The following SIRT5 variants were observed in gnomAD, a reference collection of about 807,000 sequenced individuals.
SIRT5 encodes the protein NAD-dependent protein deacylase sirtuin-5, mitochondrial.
A neutral mutation model predicts 40.0 loss-of-function variants in SIRT5; 26 were observed. The observed-to-expected ratio is 0.65, with a 90% CI of 0.48 to 0.90. The LOEUF (loss-of-function observed/expected upper bound fraction) is 0.90. SIRT5 is among the 40% of genes least tolerant of loss of function. The pLI is 0.00. For missense variants in SIRT5, 401 were observed against 402.4 expected (o/e 1.00, Z 0.03); for synonymous variants, 146 against 149.1 (o/e 0.98, Z 0.15).
Position 13,599,095 on chromosome 6 carries a change from G to C in SIRT5, c.681G>C (p.Leu227=), listed in dbSNP as rs936086679. The C allele has an allele frequency of 1.2e-6, 2 of 1,614,090 alleles. No individual in the cohort carries two copies. The highest frequency in any genetic ancestry group is 3.3e-5 in the Admixed American group (2 of 60,020). The change falls in exon 8 of 10, where the codon CTG becomes CTC. Residue 227 remains leucine, a synonymous_variant. Transcript: ENST00000606117. ...RPHVVWFGEN[L]DPAILEEVDR... ...ACGTCGTGTGGTTTGGAGAAAACCT[G>C]GATCCTGCCATTCTGGAGGAGGTTG...
rs569302938 is a variant in SIRT5 at position 13,598,893 on chromosome 6, T to C, written c.618-139T>C. ...ATAAGCAAGGCAAGTTTATATAGGC[T>C]GGGAGGGAGGGTGTAGGGAATAAGA... On this transcript the variant is annotated intron_variant, in intron 7 of 9. Coordinates refer to ENST00000606117, the MANE Select transcript of SIRT5 (RefSeq NM_012241.5). 123 of 830,978 alleles carry C rather than the reference T, an allele frequency of 1.5e-4. No homozygotes were observed. The African/African-American group carries it at 2.0e-3, about 13-fold the overall frequency. 51.5% of individuals were successfully genotyped at this position (830,978 alleles called of 1,614,324 possible).
At chr6:13,581,993 A>G (rs149811928) in intron 2 of SIRT5, among the ~76,000 whole-genome samples, 41 of 152,278 alleles carry the variant, frequency 2.7e-4, no homozygotes, top group African/African-American at 9.1e-4. Context: ...CAAATCCAGA[A>G]CAAAGCCCCA....
intron 9 of SIRT5, among the ~76,000 whole-genome samples, chr6:13,608,583 C>CT (rs1763417300): frequency 7.0e-6 from 1 of 143,152 alleles, no homozygotes; most frequent in Non-Finnish European, 1.5e-5. Context: ...GAGACTCTGT[C>CT]TTAAAAAAAA....
At chr6:13,608,759 G>A (rs929437821) in intron 9 of SIRT5, among the ~76,000 whole-genome samples, 1 of 151,600 alleles carries the variant, frequency 6.6e-6, no homozygotes, top group Admixed American at 6.6e-5. Context: ...GTGCATAATT[G>A]TAAAAACAAA....
At chr6:13,597,581 TGTCACCCAGGCTGGA>T (rs552401711) in intron 7 of SIRT5, among the ~76,000 whole-genome samples, 40 of 152,248 alleles carry the variant, frequency 2.6e-4, no homozygotes, top group African/African-American at 8.9e-4. Flanking sequence ...AATCTCACTC[TGTCACCCAGGCTGGA>T]GTGCAATGGT....
rs2127691181 is a variant in SIRT5 at position 13,599,042 on chromosome 6, G to A, written c.628G>A (p.Ala210Thr). ...PVEKLPRCEEAGCGGLLRPHV... is the reference protein window; with the variant it reads ...PVEKLPRCEETGCGGLLRPHV... ...ATCCCATTCTTCCAGGTGTGAAGAG[G>A]CAGGCTGCGGGGGCTTGCTGCGACC... The change falls in exon 8 of 10, where the codon GCA (alanine) becomes ACA (threonine). Residue 210 changes from alanine (A) to threonine (T), a missense_variant. Physicochemically the swap from Ala to Thr is moderately conservative, Grantham distance 58. Transcript: ENST00000606117. The A allele has an allele frequency of 1.2e-6, 2 of 1,613,986 alleles. No individual in the cohort carries two copies. Among genetic ancestry groups the A allele is most frequent in the Non-Finnish European group, 1.7e-6 (2 of 1,179,956 alleles).
intron 3 of SIRT5, among the ~76,000 whole-genome samples, chr6:13,587,371 A>G (rs1465250742): frequency 6.6e-6 from 1 of 152,072 alleles, no homozygotes; most frequent in African/African-American, 2.4e-5. Flanking sequence ...AAGCAGAAAC[A>G]AGCTGTGTCC....
At chr6:13,575,570 A>G (rs954183850) in intron 1 of SIRT5, among the ~76,000 whole-genome samples, 1 of 151,946 alleles carries the variant, frequency 6.6e-6, no homozygotes, top group East Asian at 1.9e-4. Context: ...ACAAATTTAT[A>G]TATTTATAGC....
At chr6:13,576,493 C>T (rs778423699) in intron 1 of SIRT5, among the ~76,000 whole-genome samples, 4 of 151,962 alleles carry the variant, frequency 2.6e-5, no homozygotes, top group Admixed American at 6.6e-5. Context: ...ATTTTTTAAC[C>T]GGGTTATTCG....
At chr6:13,587,350 G>T (rs1760215917) in intron 3 of SIRT5, among the ~76,000 whole-genome samples, 2 of 152,208 alleles carry the variant, frequency 1.3e-5, no homozygotes, top group Admixed American at 1.3e-4. Context: ...GAGCTGCGGT[G>T]CCTAGGAGAG....
In SIRT5 at chr6:13,604,392, C is replaced by T. The variant is rs572088255; in HGVS notation, c.857+3443C>T. On this transcript the variant is annotated intron_variant, in intron 9 of 9. Transcript: ENST00000606117. ...CTGTTTGAAAGACCATCAGAAAACT[C>T]GAAGAGTGGGACAGGATAAACTTTG... 1.5e-4 allele frequency: 135 copies of T among 874,230 alleles called. 1 individual carries two copies. Among genetic ancestry groups the T allele is most frequent in the Middle Eastern group, 2.5e-4 (1 of 4,062 alleles). The allele number at this position is 874,230 out of a possible 1,614,324, so 54.2% of individuals were successfully genotyped here. A position where few individuals can be genotyped will look rare whatever the true frequency, so the allele number is the denominator to read the frequency against.
chr6:13,601,185 A>G (rs1208954852), intron 9 of SIRT5, among the ~76,000 whole-genome samples: 1 of 152,108 alleles, frequency 6.6e-6, no homozygotes, highest in Non-Finnish European at 1.5e-5. Context: ...CACATTTTGA[A>G]CGCTCTTCTT....
intron 8 of SIRT5, among the ~76,000 whole-genome samples, chr6:13,599,947 A>G (rs779920926): frequency 4.6e-5 from 7 of 152,220 alleles, no homozygotes; most frequent in Non-Finnish European, 1.0e-4. Context: ...CCATATCAAT[A>G]TGTCTAAATC....
At chr6:13,588,529 A>C in intron 4 of SIRT5, 65 bp downstream of exon 4, 1 of 1,544,032 alleles carries the variant, frequency 6.5e-7, no homozygotes, top group South Asian at 1.2e-5. Context: ...GTTTGACTCA[A>C]ATCCTATACC....
At position 13,595,573 on chromosome 6, in the gene SIRT5, A is replaced by G. The variant is rs750601949; in HGVS notation, c.563+9A>G. 1.3e-6 allele frequency: 2 copies of G among 1,587,860 alleles called. No homozygotes were observed. The highest frequency in any genetic ancestry group is 3.3e-5 in the Admixed American group (2 of 59,968). ...GCTTTATCAGGAAAAGGGTAATTAT[A>G]CCACACTACAGAATAAGTATAGGTT... On this transcript the variant is annotated intron_variant, in intron 6 of 9. Coordinates refer to ENST00000606117, the MANE Select transcript of SIRT5 (RefSeq NM_012241.5).
In SIRT5 at chr6:13,591,962, AC is replaced by A. The variant is rs1315043053; in HGVS notation, c.475+70del. On this transcript the variant is annotated intron_variant, in intron 5 of 9. Coordinates refer to ENST00000606117, the MANE Select transcript of SIRT5 (RefSeq NM_012241.5). ...ACACCTGTCCTGCTGTTTCAGCATCACCTCTGGTGCCTTCCCTCCCTCCCTG... is the reference window on the plus strand; with the variant it reads ...ACACCTGTCCTGCTGTTTCAGCATCACTCTGGTGCCTTCCCTCCCTCCCTG... The A allele has an allele frequency of 5.0e-6, 7 of 1,410,674 alleles. No individual in the cohort carries two copies. In the Admixed American group the frequency reaches 1.3e-4, roughly 27 times the overall value. 87.4% of individuals were successfully genotyped at this position (1,410,674 alleles called of 1,614,324 possible).
At chr6:13,594,571 C>T (rs540561211) in intron 5 of SIRT5, among the ~76,000 whole-genome samples, 13 of 152,328 alleles carry the variant, frequency 8.5e-5, no homozygotes, top group South Asian at 6.2e-4. Context: ...TTGGTCCACA[C>T]GCCCACCCTT....
intron 4 of SIRT5, among the ~76,000 whole-genome samples, chr6:13,590,549 GTAAT>G (rs1760726265): frequency 9.1e-6 from 1 of 110,484 alleles, no homozygotes; most frequent in African/African-American, 2.9e-5. Flanking sequence ...GTATGTAGAT[GTAAT>G]TGTGTGTATG....
rs192108412 is a variant in SIRT5 at position 13,606,933 on chromosome 6, T to C, written c.858-4857T>C. Among the ~76,000 whole-genome samples, 8 of 150,810 alleles carry C rather than the reference T, an allele frequency of 5.3e-5. No homozygotes were observed. In the East Asian group the frequency reaches 1.2e-3, roughly 22 times the overall value. On this transcript the variant is annotated intron_variant, in intron 9 of 9. Transcript: ENST00000606117. Reference sequence around the variant, plus strand: ...CTGGCCTCAAGAGATCCACCTGCCTTAGCCTCCCGAAGTGCTGGGATTACA... The same window carrying C: ...CTGGCCTCAAGAGATCCACCTGCCTCAGCCTCCCGAAGTGCTGGGATTACA...
Sources: allele counts gnomAD v4.1 joint callset (sites outside exome capture counted in the v4.1 genomes callset), GRCh38; gene constraint gnomAD v4.1.1; transcripts MANE v1.5; gene names NCBI Gene and HGNC (gene_info 2026-07-23, HGNC 2026-07-21).